The following CPS1 variants were observed in gnomAD, a reference collection of about 807,000 sequenced individuals.
CPS1 encodes carbamoyl-phosphate synthase 1.
Under a neutral mutation model 174.6 loss-of-function variants are expected in CPS1, and 109 were observed. The ratio of observed to expected loss-of-function variants is 0.62; its 90% CI spans 0.53 to 0.73. The LOEUF (loss-of-function observed/expected upper bound fraction) is 0.73. Among genes scored for constraint, CPS1 ranks in the 30% least tolerant of loss-of-function variants. The pLI, the probability that CPS1 is intolerant of heterozygous loss-of-function variation, is 0.00. For missense variants in CPS1, 1,689 were observed against 1,821.9 expected (o/e 0.93, Z 1.33); for synonymous variants, 637 against 632.0 (o/e 1.01, Z -0.12).
At chr2:210,619,878 A>G (rs1028829187) in intron 21 of CPS1, 6 of 151,556 alleles carry the variant, frequency 4.0e-5, no homozygotes, top group Non-Finnish European at 5.9e-5. Flanking sequence ...AGTCCCAAAT[A>G]GACTATACCC....
intron 1 of CPS1, among the ~76,000 whole-genome samples, chr2:210,565,057 GA>G (rs1697257024): frequency 6.6e-6 from 1 of 151,520 alleles, no homozygotes; most frequent in African/African-American, 2.4e-5. Context: ...TATGAGAATG[GA>G]GATCATATAG....
At chr2:210,523,798 G>A (rs1051522630) in intron 1 of CPS1, among the ~76,000 whole-genome samples, 7 of 152,016 alleles carry the variant, frequency 4.6e-5, no homozygotes, top group Non-Finnish European at 1.0e-4. Flanking sequence ...GGGTGTGCCT[G>A]AAGGTGAGGC....
At chr2:210,579,680 C>T (rs1697845183) in intron 4 of CPS1, 34 bp from the exon 5 acceptor site, 2 of 1,555,074 alleles carry the variant, frequency 1.3e-6, no homozygotes, top group African/African-American at 1.4e-5. Flanking sequence ...TAATCTCCTC[C>T]AATTTCACTG....
chr2:210,647,336 T>A (rs948015517), intron 25 of CPS1, among the ~76,000 whole-genome samples: 3 of 152,148 alleles, frequency 2.0e-5, no homozygotes, highest in African/African-American at 7.2e-5. Context: ...TGATAATAGA[T>A]AAGACTGGAA....
chr2:210,637,509 T>C (rs1185337599), intron 21 of CPS1, among the ~76,000 whole-genome samples, 193 bp from the exon 22 acceptor site: 2 of 152,136 alleles, frequency 1.3e-5, no homozygotes, highest in Non-Finnish European at 2.9e-5. Context: ...TTGTCAGCTT[T>C]GCAAATAGAA....
In CPS1 at chr2:210,488,238, G is replaced by A. The variant is rs191381460; in HGVS notation, c.3+10472G>A. Among the ~76,000 whole-genome samples, 341 of 151,910 alleles carry A rather than the reference G, an allele frequency of 2.2e-3. 1 individual carries two copies. Among genetic ancestry groups the A allele is most frequent in the African/African-American group, 7.6e-3 (313 of 41,430 alleles). On this transcript the variant is annotated intron_variant, in intron 1 of 38. Coordinates refer to the CPS1 transcript ENST00000430249. ...AAAAAGAAGAGAAAAAATCAGAACC[G>A]AATCATACTTTTTGTTAGATCATGT... is the stretch of plus-strand genomic sequence containing the variant.
intron 1 of CPS1, among the ~76,000 whole-genome samples, chr2:210,566,929 T>C (rs1039267837): frequency 3.3e-5 from 5 of 152,318 alleles, no homozygotes; most frequent in Admixed American, 6.5e-5. Context: ...TTCATAATTC[T>C]GTTTGAAGTA....
chr2:210,649,000 A>G (rs149292180), intron 27 of CPS1, among the ~76,000 whole-genome samples: 169 of 152,344 alleles, frequency 1.1e-3, no homozygotes, highest in African/African-American at 3.8e-3. Context: ...GAGGAACAGG[A>G]ACAGTGAGGA....
At chr2:210,592,065 C>T (rs1396671918) in intron 10 of CPS1, 96 bp downstream of exon 10, 13 of 1,376,846 alleles carry the variant, frequency 9.4e-6, no homozygotes, top group Non-Finnish European at 1.3e-5. Flanking sequence ...TTATGAGATA[C>T]ATGTGATATT....
At chr2:210,595,267 A>G (rs1389595444) in intron 12 of CPS1, among the ~76,000 whole-genome samples, 5 of 151,822 alleles carry the variant, frequency 3.3e-5, no homozygotes, top group African/African-American at 1.2e-4. Flanking sequence ...AAAATTTTTT[A>G]CTTAAGAGAA....
chr2:210,558,232 T>G (rs1402167773), intron 1 of CPS1, among the ~76,000 whole-genome samples: 1 of 152,056 alleles, frequency 6.6e-6, no homozygotes, highest in Non-Finnish European at 1.5e-5. Flanking sequence ...TTCCAATGTA[T>G]CCAATTTTAC....
chr2:210,650,127 A>G (rs1270082948), intron 27 of CPS1, among the ~76,000 whole-genome samples: 2 of 152,210 alleles, frequency 1.3e-5, no homozygotes, highest in Admixed American at 1.3e-4. Flanking sequence ...CCCTTTGGGA[A>G]TTAATACAGG....
intron 21 of CPS1, among the ~76,000 whole-genome samples, chr2:210,624,804 T>A (rs550668136): frequency 1.3e-5 from 2 of 152,128 alleles, no homozygotes; most frequent in African/African-American, 4.8e-5. Context: ...ATGTTTTGCT[T>A]AAAAGGTTTT....
At position 210,603,908 on chromosome 2, in the gene CPS1, G is replaced by A. The variant is rs1007948189; in HGVS notation, c.1837-1194G>A. Among the ~76,000 whole-genome samples the A allele has an allele frequency of 9.2e-5, 14 of 151,806 alleles. No homozygotes were observed. The East Asian group carries it at 2.0e-3, about 21-fold the overall frequency. On this transcript the variant is annotated intron_variant, in intron 16 of 37. Coordinates refer to ENST00000233072, the MANE Select transcript of CPS1 (RefSeq NM_001875.5). ...CTAAATTAACTTTTTACATAAAATC[G>A]AAGACTTCAAAAAATAAAAATAAAA...
chr2:210,621,613 C>T (rs1037014919), intron 21 of CPS1, among the ~76,000 whole-genome samples: 5 of 152,030 alleles, frequency 3.3e-5, no homozygotes, highest in African/African-American at 7.2e-5. Flanking sequence ...AAAAATCTCA[C>T]CTATAGTTCT....
upstream of CPS1, chr2:210,556,384 T>C (rs933350070): frequency 6.2e-6 from 3 of 482,238 alleles, no homozygotes; most frequent in Admixed American, 7.0e-5. Context: ...CCATGATGTC[T>C]AGGTCATTCC....
At chr2:210,620,323 C>G (rs1699466869) in intron 21 of CPS1, among the ~76,000 whole-genome samples, 1 of 151,946 alleles carries the variant, frequency 6.6e-6, no homozygotes, top group Non-Finnish European at 1.5e-5. Context: ...TTTTCCATGC[C>G]TGTGAGATAG....
intron 8 of CPS1, 63 bp downstream of exon 8, chr2:210,590,297 T>G (rs948917315): frequency 6.2e-7 from 1 of 1,606,692 alleles, no homozygotes; most frequent in African/African-American, 1.3e-5. Context: ...CTCTATACCC[T>G]CAAAGGGCTG....
intron 21 of CPS1, among the ~76,000 whole-genome samples, chr2:210,625,377 T>C (rs1699667267): frequency 6.6e-6 from 1 of 152,056 alleles, no homozygotes; most frequent in Admixed American, 6.6e-5. Context: ...AGCAGAAATA[T>C]GAATTCATGA....
Sources: allele counts gnomAD v4.1 joint callset (sites outside exome capture counted in the v4.1 genomes callset), GRCh38; gene constraint gnomAD v4.1.1; transcripts MANE v1.5; gene names NCBI Gene and HGNC (gene_info 2026-07-23, HGNC 2026-07-21).